The following GFRA2 variants were observed in gnomAD, a reference collection of about 807,000 sequenced individuals.
GFRA2 encodes the protein GDNF family receptor alpha 2.
GFRA2 carries 17 observed loss-of-function variants against 48.3 expected under a neutral mutation model. The ratio of observed to expected loss-of-function variants is 0.35; its 90% CI spans 0.24 to 0.53. The LOEUF is 0.53. GFRA2 is among the 20% of genes least tolerant of loss of function. The pLI, the probability that GFRA2 is intolerant of heterozygous loss-of-function variation, is 0.93. For missense variants in GFRA2, 660 were observed against 637.3 expected (o/e 1.04, Z -0.38); for synonymous variants, 305 against 257.2 (o/e 1.19, Z -1.78).
intron 2 of GFRA2, among the ~76,000 whole-genome samples, chr8:21,797,196 C>A (rs1807691561): frequency 1.3e-5 from 2 of 151,402 alleles, no homozygotes; most frequent in African/African-American, 4.9e-5. Context: ...TCTCCAGTGA[C>A]AGGATCTTGT....
At chr8:21,776,413 G>A (rs894355146) in intron 2 of GFRA2, among the ~76,000 whole-genome samples, 68 of 151,450 alleles carry the variant, frequency 4.5e-4, no homozygotes, top group African/African-American at 1.5e-3. Flanking sequence ...GCAACACCCA[G>A]GACACACAGC....
intron 2 of GFRA2, among the ~76,000 whole-genome samples, chr8:21,797,047 C>T (rs201965824): frequency 0.012 from 1,871 of 152,332 alleles, 52 homozygotes; most frequent in East Asian, 0.12. Context: ...AGTCAGGAAG[C>T]TGCTGATCTA....
chr8:21,750,809 G>T lies in GFRA2; in HGVS notation c.573C>A (p.Pro191=), dbSNP rs979031547. Residue 191 remains proline, a synonymous_variant, in exon 4 of 9, where the codon CCC becomes CCA. Coordinates refer to ENST00000524240, the MANE Select transcript of GFRA2 (RefSeq NM_001495.5). The surrounding 1 kb of genome is among the most constrained non-coding windows in gnomAD (Gnocchi z 5.7). The part of the protein sequence containing the change: ...YISICNREIS[P]TERCNRRKCH... ...ACTTGCGGCGGTTGCAGCGCTCGGTGGGCGAGATCTCGCGGTTGCAGATGG... is the reference window on the plus strand; with the variant it reads ...ACTTGCGGCGGTTGCAGCGCTCGGTTGGCGAGATCTCGCGGTTGCAGATGG... 5 of 1,614,030 alleles carry T rather than the reference G, an allele frequency of 3.1e-6. No individual in the cohort carries two copies. Among genetic ancestry groups the T allele is most frequent in the Non-Finnish European group, 4.2e-6 (5 of 1,179,900 alleles).
In GFRA2 at chr8:21,692,235, GGAAA is replaced by G. The variant is rs1254577949; in HGVS notation, c.*1039_*1042del. The G allele has an allele frequency of 1.3e-5, 2 of 152,298 alleles. No individual in the cohort carries two copies. The highest frequency in any genetic ancestry group is 1.9e-4 in the East Asian group (1 of 5,174). The allele number at this position is 152,298 out of a possible 1,614,324, so 9.4% of individuals were successfully genotyped here. A position where few individuals can be genotyped will look rare whatever the true frequency, so the allele number is the denominator to read the frequency against. On this transcript the variant is annotated 3_prime_UTR_variant, in exon 9 of 9. Transcript: ENST00000524240. Reference sequence around the variant, plus strand: ...TCCATAGTTTTGTTGCTTAAAAAAAGGAAAGAAAGGGGAAACCACACAATATATG... The same window carrying G: ...TCCATAGTTTTGTTGCTTAAAAAAAGGAAAGGGGAAACCACACAATATATG...
intron 7 of GFRA2, among the ~76,000 whole-genome samples, chr8:21,698,980 C>A (rs373685849): frequency 6.6e-6 from 1 of 152,192 alleles, no homozygotes; most frequent in Non-Finnish European, 1.5e-5. Context: ...TCCCAGTCAA[C>A]GCACTCTCTC....
Position 21,733,463 on chromosome 8 carries a change from C to A in GFRA2, c.794+17125G>T, listed in dbSNP as rs73554724. Among the ~76,000 whole-genome samples the A allele has an allele frequency of 8.3e-3, 1,257 of 152,288 alleles. 12 individuals carry two copies. The highest frequency in any genetic ancestry group is 0.029 in the African/African-American group (1,200 of 41,558). On this transcript the variant is annotated intron_variant, in intron 4 of 8. Coordinates refer to ENST00000524240, the MANE Select transcript of GFRA2 (RefSeq NM_001495.5). ...AAGGTAGAAACCCATAGTCCCACCA[C>A]GGAGGTGTCATCCTGCACCCCAAGC... is the stretch of plus-strand genomic sequence containing the variant.
At chr8:21,706,074 C>G in intron 4 of GFRA2, 33 bp from the exon 5 acceptor site, 1 of 1,382,082 alleles carries the variant, frequency 7.2e-7, no homozygotes, top group Non-Finnish European at 1.0e-6. Flanking sequence ...ATAGAGAAAA[C>G]AGGGGTTCAG....
At chr8:21,765,621 C>T (rs1806115792) in intron 3 of GFRA2, among the ~76,000 whole-genome samples, 1 of 152,146 alleles carries the variant, frequency 6.6e-6, no homozygotes, top group Middle Eastern at 3.4e-3. Flanking sequence ...GCTAATCACT[C>T]TCAATCCATG....
chr8:21,775,995 G>C (rs1806680021), intron 2 of GFRA2, among the ~76,000 whole-genome samples: 1 of 71,650 alleles, frequency 1.4e-5, no homozygotes, highest in Non-Finnish European at 2.6e-5. Context: ...TCCTCTGTGT[G>C]TGTGTGTGTG....
intron 2 of GFRA2, among the ~76,000 whole-genome samples, chr8:21,780,056 C>CTT (rs147236279): frequency 1.4e-5 from 2 of 145,636 alleles, no homozygotes; most frequent in Admixed American, 6.8e-5. Context: ...CCTCTCCCAT[C>CTT]TTTTTTTTTT....
intron 4 of GFRA2, among the ~76,000 whole-genome samples, chr8:21,726,247 C>T (rs771670378): frequency 6.6e-6 from 1 of 152,170 alleles, no homozygotes; most frequent in African/African-American, 2.4e-5. Flanking sequence ...TGCACCTGTG[C>T]ATCCAAGCCC....
chr8:21,756,694 C>T (rs1195546795), intron 3 of GFRA2, among the ~76,000 whole-genome samples: 2 of 152,232 alleles, frequency 1.3e-5, no homozygotes, highest in African/African-American at 4.8e-5. Context: ...CCCTCACAGT[C>T]CTTGCCTGGC....
intron 1 of GFRA2, among the ~76,000 whole-genome samples, chr8:21,809,876 C>G (rs529062528): frequency 1.3e-5 from 2 of 152,160 alleles, no homozygotes; most frequent in African/African-American, 2.4e-5. Context: ...AATAGGGGAA[C>G]AGCAAATGCA....
chr8:21,807,802 GA>G (rs1807900337), intron 1 of GFRA2, among the ~76,000 whole-genome samples: 1 of 152,204 alleles, frequency 6.6e-6, no homozygotes, highest in Admixed American at 6.5e-5. Flanking sequence ...ACCGACTAGG[GA>G]AAGTTGACTA....
At chr8:21,722,489 C>T (rs1167799213) in intron 4 of GFRA2, among the ~76,000 whole-genome samples, 3 of 152,120 alleles carry the variant, frequency 2.0e-5, no homozygotes, top group Admixed American at 6.5e-5. Context: ...AGGGGCTTTA[C>T]AAAAAATAGA....
Position 21,782,911 on chromosome 8 carries a change from G to A in GFRA2, c.41-12C>T, listed in dbSNP as rs978240488. The stretch of plus-strand genomic sequence containing the variant: ...GCGGAGGGTCTCGTCTGGGTGGTGG[G>A]GAGGGAAGACAAGCATGAATGACGG... On this transcript the variant is annotated splice_polypyrimidine_tract_variant and intron_variant, in intron 1 of 8. Transcript: ENST00000524240. 1.2e-5 allele frequency: 18 copies of A among 1,543,880 alleles called. No individual in the cohort carries two copies. The highest frequency in any genetic ancestry group is 1.9e-5 in the Admixed American group (1 of 51,856).
chr8:21,783,061 A>G, intron 1 of GFRA2, 162 bp from the exon 2 acceptor site: 1 of 731,220 alleles, frequency 1.4e-6, no homozygotes, highest in Admixed American at 2.0e-5. Context: ...CCCCAGGGAG[A>G]ACTCAGGCAT....
At chr8:21,714,568 T>A (rs929269401) in intron 4 of GFRA2, among the ~76,000 whole-genome samples, 2 of 152,128 alleles carry the variant, frequency 1.3e-5, no homozygotes, top group Non-Finnish European at 2.9e-5. Context: ...ATACCTGTTA[T>A]GTCACTTCCA....
chr8:21,719,022 C>T (rs114200327), intron 4 of GFRA2, among the ~76,000 whole-genome samples: 3 of 152,084 alleles, frequency 2.0e-5, no homozygotes, highest in Admixed American at 6.5e-5. Flanking sequence ...CCTTGGCCCC[C>T]CCTTGCCATC....
Sources: allele counts gnomAD v4.1 joint callset (sites outside exome capture counted in the v4.1 genomes callset), GRCh38; gene constraint gnomAD v4.1.1; non-coding constraint Gnocchi (gnomAD v3.1); transcripts MANE v1.5; gene names NCBI Gene and HGNC (gene_info 2026-07-23, HGNC 2026-07-21).